VPS13D: variants seen among roughly 807,000 people sequenced by gnomAD.
VPS13D encodes vacuolar protein sorting 13 homolog D.
A neutral mutation model predicts 461.9 loss-of-function variants in VPS13D; 187 were observed. The ratio of observed to expected loss-of-function variants is 0.40; its 90% CI spans 0.36 to 0.46. The LOEUF is 0.46. VPS13D is among the 20% of genes least tolerant of loss of function. The pLI is 0.60. For missense variants in VPS13D, 4,711 were observed against 5,364.9 expected, an observed-to-expected ratio of 0.88 and a Z score of 3.81; for synonymous variants, 1,951 against 1,986.3, an observed-to-expected ratio of 0.98 and a Z score of 0.47.
intron 52 of VPS13D, chr1:12,367,672 C>CG (rs1330812838): frequency 6.6e-6 from 1 of 151,906 alleles, no homozygotes; most frequent in Admixed American, 6.6e-5. Flanking sequence ...GGCGCGATCT[C>CG]GGAGCTTCTC....
chr1:12,452,853 G>A (rs552521796), intron 65 of VPS13D, among the ~76,000 whole-genome samples: 6 of 152,352 alleles, frequency 3.9e-5, no homozygotes, highest in African/African-American at 1.4e-4. Context: ...TAGGGGTGAA[G>A]ACTTTTGTAA....
chr1:12,358,645 G>C (rs561054839), intron 50 of VPS13D, 44 bp downstream of exon 50: 2 of 1,605,472 alleles, frequency 1.2e-6, no homozygotes, highest in South Asian at 2.2e-5. Context: ...ACCATTGGCC[G>C]ATGACCTCAG....
chr1:12,272,263 C>T (rs756427162), intron 17 of VPS13D, among the ~76,000 whole-genome samples: 10 of 152,092 alleles, frequency 6.6e-5, no homozygotes, highest in Non-Finnish European at 1.3e-4. Flanking sequence ...CAGCAGGTGG[C>T]ACAGTGAGAA....
rs555193304 is a variant in VPS13D at position 12,268,786 on chromosome 1, G to A, written c.1882G>A (p.Val628Ile). ...AHSHFERRLN[V>I]STRPLNIIYN... ...CAGCCACTTTGAGAGGCGGCTCAATGTCAGCACAAGGCCCTTGAACATCAT... is the reference window on the plus strand; with the variant it reads ...CAGCCACTTTGAGAGGCGGCTCAATATCAGCACAAGGCCCTTGAACATCAT... Residue 628 changes from valine to isoleucine, a missense_variant, in exon 16 of 70, where the codon GTC becomes ATC. Transcript: ENST00000620676. 38 of 1,614,000 alleles carry A rather than the reference G, an allele frequency of 2.4e-5. No homozygotes were observed. The highest frequency in any genetic ancestry group is 2.2e-5 in the Non-Finnish European group (26 of 1,180,030).
At position 12,495,031 on chromosome 1, in the gene VPS13D, T is replaced by C. The variant is rs1382134745; in HGVS notation, c.12663-2469T>C. ...CCAGGAATGCAGTGAATGAAACAAA[T>C]TCCCCCTCTCCTGGAGCTTCCAGTC... On this transcript the variant is annotated intron_variant, in intron 67 of 69. Coordinates refer to ENST00000620676, the MANE Select transcript of VPS13D (RefSeq NM_015378.4). The surrounding 1 kb of genome is among the most constrained non-coding windows in gnomAD (Gnocchi z 4.0). Among the ~76,000 whole-genome samples the C allele has an allele frequency of 6.6e-6, 1 of 152,166 alleles. No homozygotes were observed. Among genetic ancestry groups the C allele is most frequent in the Non-Finnish European group, 1.5e-5 (1 of 68,032 alleles).
intron 68 of VPS13D, among the ~76,000 whole-genome samples, chr1:12,501,907 C>T (rs1432057859): frequency 3.3e-5 from 5 of 152,162 alleles, no homozygotes; most frequent in Non-Finnish European, 7.3e-5. Flanking sequence ...GAGAAGGCGC[C>T]TGGGCAGAGC....
At chr1:12,253,578 A>C in intron 6 of VPS13D, 144 bp from the exon 7 acceptor site, 1 of 629,304 alleles carries the variant, frequency 1.6e-6, no homozygotes, top group Non-Finnish European at 2.8e-6. Flanking sequence ...CTGTAAGAGC[A>C]GAAGCATGTT....
At chr1:12,311,722 G>A in intron 28 of VPS13D, 91 bp from the exon 29 acceptor site, 1 of 1,582,676 alleles carries the variant, frequency 6.3e-7, no homozygotes, top group Non-Finnish European at 8.6e-7. Flanking sequence ...AAAGAAGGTG[G>A]AGCAACAAGC....
At chr1:12,508,351 C>T (rs772570648) in intron 69 of VPS13D, among the ~76,000 whole-genome samples, 8 of 152,014 alleles carry the variant, frequency 5.3e-5, no homozygotes, top group Non-Finnish European at 1.2e-4. Context: ...CAGTTATGGC[C>T]GTGGGGGGGA....
At chr1:12,256,663 T>C (rs1640931785) in intron 8 of VPS13D, among the ~76,000 whole-genome samples, 160 bp downstream of exon 8, 1 of 151,684 alleles carries the variant, frequency 6.6e-6, no homozygotes, top group South Asian at 2.1e-4. Context: ...GTCTGTTACA[T>C]AGTTAAATTG....
chr1:12,436,788 C>T (rs1645067912), intron 65 of VPS13D, among the ~76,000 whole-genome samples: 1 of 152,156 alleles, frequency 6.6e-6, no homozygotes, highest in African/African-American at 2.4e-5. Context: ...CCTGCCTCTG[C>T]CTCCCGAGTA....
At chr1:12,379,978 C>T (rs1448194651) in intron 57 of VPS13D, among the ~76,000 whole-genome samples, 2 of 152,058 alleles carry the variant, frequency 1.3e-5, no homozygotes, top group Non-Finnish European at 2.9e-5. Flanking sequence ...ACCATGTTAG[C>T]CAGGATGGTC....
intron 2 of VPS13D, among the ~76,000 whole-genome samples, chr1:12,236,163 C>T (rs184699282): frequency 3.3e-5 from 5 of 152,142 alleles, no homozygotes; most frequent in East Asian, 1.9e-4. Flanking sequence ...AATGCTTCTC[C>T]GCAGGGTAGA....
At chr1:12,334,758 C>T (rs974231113) in intron 38 of VPS13D, among the ~76,000 whole-genome samples, 5 of 152,190 alleles carry the variant, frequency 3.3e-5, no homozygotes, top group Non-Finnish European at 5.9e-5. Flanking sequence ...GAGCAAGACC[C>T]TGTCTCTAAG....
chr1:12,354,015 T>C lies in VPS13D; in HGVS notation c.9473T>C (p.Met3158Thr). 1 of 1,614,180 alleles carries C rather than the reference T, an allele frequency of 6.2e-7. No individual in the cohort carries two copies. Among genetic ancestry groups the C allele is most frequent in the Non-Finnish European group, 8.5e-7 (1 of 1,180,008 alleles). The part of the protein sequence containing the change: ...AIKKENYPDY[M>T]PSNIFSDSAK... The stretch of plus-strand genomic sequence containing the variant: ...AAGAAAGAGAATTATCCAGATTATA[T>C]GCCCTCAAACATATTTTCTGACAGT... The change falls in exon 47 of 70, where the codon ATG becomes ACG. Residue 3158 changes from methionine (M) to threonine (T), a missense_variant. Met to Thr is a moderately conservative substitution (Grantham distance 81, BLOSUM62 -1). This residue lies in a region of VPS13D where 4,411 missense variants were observed against 4,937.8 expected (regional missense o/e 0.89). Transcript: ENST00000620676.
At chr1:12,352,604 A>C (rs1643819965) in intron 46 of VPS13D, among the ~76,000 whole-genome samples, 1 of 152,216 alleles carries the variant, frequency 6.6e-6, no homozygotes, top group Non-Finnish European at 1.5e-5. Flanking sequence ...CTAAACTCTC[A>C]TAAGTAGCTA....
chr1:12,477,415 T>C (rs1352369363), intron 67 of VPS13D, among the ~76,000 whole-genome samples: 1 of 152,168 alleles, frequency 6.6e-6, no homozygotes, highest in Non-Finnish European at 1.5e-5. Flanking sequence ...TGACAAACCA[T>C]AGACTCACAG....
At chr1:12,462,863 T>C (rs1233691837) in intron 67 of VPS13D, among the ~76,000 whole-genome samples, 1 of 152,208 alleles carries the variant, frequency 6.6e-6, no homozygotes, top group Non-Finnish European at 1.5e-5. Flanking sequence ...GCAGAGACCA[T>C]GCCCTCATGA....
At chr1:12,484,009 AT>A (rs1645761356) in intron 67 of VPS13D, among the ~76,000 whole-genome samples, 1 of 151,390 alleles carries the variant, frequency 6.6e-6, no homozygotes, top group African/African-American at 2.4e-5. Context: ...AAAAAAAAAA[AT>A]AAAAATAAGA....
Sources: allele counts gnomAD v4.1 joint callset (sites outside exome capture counted in the v4.1 genomes callset), GRCh38; gene constraint gnomAD v4.1.1; regional missense constraint gnomAD v4.1.1; non-coding constraint Gnocchi (gnomAD v3.1); transcripts MANE v1.5; gene names NCBI Gene and HGNC (gene_info 2026-07-23, HGNC 2026-07-21).